CNGB3: variants seen among roughly 807,000 people sequenced by gnomAD.
The protein encoded by CNGB3 is cyclic nucleotide-gated channel beta-3.
CNGB3 carries 86 observed loss-of-function variants against 92.8 expected under a neutral mutation model. The ratio of observed to expected loss-of-function variants is 0.93; its 90% confidence interval spans 0.78 to 1.11. The LOEUF is 1.11. Ranked by LOEUF, CNGB3 falls within the 50% of genes least tolerant of loss-of-function variation. CNGB3 has a pLI of 0.00. For missense variants in CNGB3, 1,026 were observed against 956.8 expected (o/e 1.07, Z -0.95); for synonymous variants, 333 against 332.7 (o/e 1.00, Z -0.01).
chr8:86,658,781 G>A (rs1056355281), intron 6 of CNGB3: 1 of 522,600 alleles, frequency 1.9e-6, no homozygotes, highest in Non-Finnish European at 3.5e-6. Context: ...TCTGCAACTT[G>A]GCCAGCTGCT....
At chr8:86,610,779 T>C (rs772234070) in intron 14 of CNGB3, among the ~76,000 whole-genome samples, 3 of 152,196 alleles carry the variant, frequency 2.0e-5, no homozygotes, top group Non-Finnish European at 4.4e-5. Flanking sequence ...TCCTTTCCTC[T>C]CCCTTAAGTT....
At chr8:86,695,178 C>T (rs990398085) in intron 3 of CNGB3, among the ~76,000 whole-genome samples, 1 of 152,004 alleles carries the variant, frequency 6.6e-6, no homozygotes, top group African/African-American at 2.4e-5. Flanking sequence ...CGCCTGCAAT[C>T]GCAGGCACTC....
chr8:86,684,376 T>C (rs1327655024), intron 3 of CNGB3, among the ~76,000 whole-genome samples: 1 of 152,066 alleles, frequency 6.6e-6, no homozygotes, highest in East Asian at 1.9e-4. Flanking sequence ...AGAAACTGGA[T>C]CACTCATACA....
chr8:86,707,007 C>A (rs1824662837), intron 3 of CNGB3, among the ~76,000 whole-genome samples: 1 of 152,112 alleles, frequency 6.6e-6, no homozygotes, highest in Non-Finnish European at 1.5e-5. Flanking sequence ...TAAATGTATT[C>A]ATGGAAGAGG....
At chr8:86,645,639 T>G (rs1823281647) in intron 8 of CNGB3, among the ~76,000 whole-genome samples, 1 of 151,292 alleles carries the variant, frequency 6.6e-6, no homozygotes, top group Non-Finnish European at 1.5e-5. Flanking sequence ...CGTTTAGAAT[T>G]AAAAATAGTA....
At chr8:86,741,771 C>G (rs1825346835) in intron 1 of CNGB3, among the ~76,000 whole-genome samples, 1 of 152,152 alleles carries the variant, frequency 6.6e-6, no homozygotes, top group African/African-American at 2.4e-5. Flanking sequence ...AAGGGGTGCT[C>G]TACCTGTGCC....
intron 11 of CNGB3, among the ~76,000 whole-genome samples, chr8:86,629,817 A>G (rs1563732892): frequency 1.3e-5 from 2 of 152,172 alleles, no homozygotes; most frequent in Non-Finnish European, 2.9e-5. Flanking sequence ...CTAGGTTAAA[A>G]GCTGATCTTT....
intron 12 of CNGB3, among the ~76,000 whole-genome samples, chr8:86,628,176 T>G (rs1003477525): frequency 5.3e-5 from 8 of 152,176 alleles, no homozygotes; most frequent in African/African-American, 1.9e-4. Flanking sequence ...GATTTCTTTC[T>G]GTTATTTTGA....
intron 6 of CNGB3, among the ~76,000 whole-genome samples, chr8:86,665,240 G>A (rs981679393): frequency 6.6e-6 from 1 of 152,054 alleles, no homozygotes; most frequent in Non-Finnish European, 1.5e-5. Context: ...AAGTCAGAAT[G>A]GCTATTACTA....
chr8:86,692,086 A>G (rs1017422514), intron 3 of CNGB3, among the ~76,000 whole-genome samples: 11 of 152,176 alleles, frequency 7.2e-5, no homozygotes, highest in African/African-American at 2.4e-4. Flanking sequence ...GTGGTCTGAG[A>G]CAGCACTTGC....
chr8:86,635,861 T>TATATATATACAC (rs796498363), intron 10 of CNGB3, among the ~76,000 whole-genome samples: 2 of 66,270 alleles, frequency 3.0e-5, no homozygotes, highest in Non-Finnish European at 5.2e-5. Flanking sequence ...TATATATATA[T>TATATATATACAC]ATACACATAC....
chr8:86,707,443 G>A (rs977539512), intron 3 of CNGB3: 2 of 152,358 alleles, frequency 1.3e-5, no homozygotes, highest in Non-Finnish European at 2.9e-5. Context: ...TTTGAGCAGA[G>A]GCTTTGAAAG....
chr8:86,628,426 T>C (rs1005152445), intron 12 of CNGB3, among the ~76,000 whole-genome samples: 1 of 152,172 alleles, frequency 6.6e-6, no homozygotes, highest in Non-Finnish European at 1.5e-5. Context: ...AGGGTTGGCA[T>C]TGTTAACCCC....
intron 7 of CNGB3, among the ~76,000 whole-genome samples, chr8:86,650,175 G>T (rs1348171712): frequency 1.3e-5 from 2 of 151,206 alleles, no homozygotes; most frequent in Non-Finnish European, 1.5e-5. Context: ...GAAAAAGCAG[G>T]CACACTGTTG....
intron 17 of CNGB3, among the ~76,000 whole-genome samples, chr8:86,578,151 C>T (rs7839172): frequency 9.2e-5 from 14 of 152,052 alleles, no homozygotes; most frequent in African/African-American, 2.2e-4. Context: ...CCTCGTGATC[C>T]GCCCGCCTTG....
At chr8:86,603,703 G>C (rs1440731465) in intron 15 of CNGB3, among the ~76,000 whole-genome samples, 2 of 152,254 alleles carry the variant, frequency 1.3e-5, no homozygotes, top group East Asian at 3.9e-4. Context: ...CAGGAAATTT[G>C]GTCCCACAGC....
At chr8:86,595,639 ATC>A (rs1822155714) in intron 15 of CNGB3, among the ~76,000 whole-genome samples, 1 of 96,520 alleles carries the variant, frequency 1.0e-5, no homozygotes, top group South Asian at 2.7e-4. Flanking sequence ...ATCGAGTCTT[ATC>A]TCTGCTCATA....
At chr8:86,659,562 G>C in intron 6 of CNGB3, 2 of 572,080 alleles carry the variant, frequency 3.5e-6, no homozygotes, top group Non-Finnish European at 6.6e-6. Flanking sequence ...TGTTGTATTT[G>C]TGTCTTCTTC....
chr8:86,722,228 C>A lies in CNGB3; in HGVS notation c.338+4303G>T, dbSNP rs183444257. On this transcript the variant is annotated intron_variant, in intron 3 of 17. Transcript: ENST00000320005. ...GACATAGCTATTTGACATTTCCAGG[C>A]AAAACACATCTTCTTTTGCTTGCTA... Among the ~76,000 whole-genome samples the A allele has an allele frequency of 1.5e-3, 229 of 152,218 alleles. 2 individuals are homozygous for A. The highest frequency in any genetic ancestry group is 4.9e-4 in the Non-Finnish European group (33 of 68,014).
Sources: allele counts gnomAD v4.1 joint callset (sites outside exome capture counted in the v4.1 genomes callset), GRCh38; gene constraint gnomAD v4.1.1; transcripts MANE v1.5; gene names NCBI Gene and HGNC (gene_info 2026-07-23, HGNC 2026-07-21).